Variants in PICK1 observed in about 807,000 individuals in gnomAD.
The protein encoded by PICK1 is PRKCA-binding protein.
PICK1 carries 23 observed loss-of-function variants against 48.9 expected under a neutral mutation model. The ratio of observed to expected loss-of-function variants is 0.47; its 90% CI spans 0.34 to 0.67. The LOEUF (loss-of-function observed/expected upper bound fraction) is 0.67, where lower values mean the gene tolerates loss of function less well. Ranked by LOEUF, PICK1 falls within the 30% of genes least tolerant of loss-of-function variation. The pLI, the probability that PICK1 is intolerant of heterozygous loss-of-function variation, is 0.01. For missense variants in PICK1, 423 were observed against 557.1 expected (o/e 0.76, Z 2.42); for synonymous variants, 217 against 228.2 (o/e 0.95, Z 0.44).
chr22:38,068,011 C>A (rs2085573612), intron 5 of PICK1: 2 of 630,782 alleles, frequency 3.2e-6, no homozygotes, highest in Admixed American at 2.1e-5. Flanking sequence ...CGTTTCACCC[C>A]TACCTCCCTG....
intron 4 of PICK1, among the ~76,000 whole-genome samples, chr22:38,067,309 T>C: frequency 7.2e-6 from 1 of 138,456 alleles, no homozygotes; most frequent in South Asian, 2.2e-4. Context: ...TTAGGATTCT[T>C]TTTTTTTTTT....
intron 3 of PICK1, 142 bp downstream of exon 3, chr22:38,059,487 G>A (rs770799488): frequency 8.8e-6 from 6 of 685,280 alleles, no homozygotes; most frequent in East Asian, 5.5e-5. Context: ...GACCACCTGC[G>A]CTGCGTTGCT....
intron 7 of PICK1, 49 bp downstream of exon 7, chr22:38,070,940 A>G: frequency 6.6e-7 from 1 of 1,507,966 alleles, no homozygotes; most frequent in Admixed American, 1.7e-5. Context: ...CCCAGGGAGC[A>G]TGCTCTCAGC....
chr22:38,071,580 T>C, intron 7 of PICK1, 102 bp from the exon 8 acceptor site: 1 of 1,032,522 alleles, frequency 9.7e-7, no homozygotes, highest in Admixed American at 1.7e-5. Flanking sequence ...TATCAGGGCC[T>C]AGCAGAGGCC....
At chr22:38,065,183 A>G in intron 4 of PICK1, 53 bp downstream of exon 4, 5 of 1,578,834 alleles carry the variant, frequency 3.2e-6, no homozygotes, top group Non-Finnish European at 4.3e-6. Flanking sequence ...TGTTTCTGAG[A>G]CCTCCAGGCT....
At chr22:38,071,982 C>T in intron 8 of PICK1, 1 of 581,840 alleles carries the variant, frequency 1.7e-6, no homozygotes, top group Non-Finnish European at 3.1e-6. Context: ...ACTGGCAGTA[C>T]ACAAGGCCCT....
rs1262552057 is a variant in PICK1 at position 38,073,693 on chromosome 22, G to T, written c.784-80G>T. 2 of 1,283,208 alleles carry T rather than the reference G, an allele frequency of 1.6e-6. No individual in the cohort carries two copies. Among genetic ancestry groups the T allele is most frequent in the Non-Finnish European group, 1.1e-6 (1 of 879,940 alleles). 79.5% of individuals were successfully genotyped at this position (1,283,208 alleles called of 1,614,324 possible). A position where few individuals can be genotyped will look rare whatever the true frequency, so the allele number is the denominator to read the frequency against. ...AACACCTGCGCCAGCCTCTCCTGCTGCGTGTGGGTGATGGGGGTGGAGCTG... is the reference window on the plus strand; with the variant it reads ...AACACCTGCGCCAGCCTCTCCTGCTTCGTGTGGGTGATGGGGGTGGAGCTG... On this transcript the variant is annotated intron_variant, in intron 10 of 12. Transcript: ENST00000356976. This position sits in a 1 kb window ranked among gnomAD's most constrained non-coding sequence, Gnocchi z 5.7.
At chr22:38,058,387 C>T (rs1277473630) in intron 2 of PICK1, among the ~76,000 whole-genome samples, 1 of 151,888 alleles carries the variant, frequency 6.6e-6, no homozygotes, top group Non-Finnish European at 1.5e-5. Context: ...CATAAAACAC[C>T]AGTCAATGCT....
chr22:38,070,813 TC>T, intron 6 of PICK1, 24 bp from the exon 7 acceptor site: 1 of 1,611,910 alleles, frequency 6.2e-7, no homozygotes, highest in East Asian at 2.2e-5. Context: ...CCCACTGACC[TC>T]CCCTCTTCTT....
In PICK1 at chr22:38,075,026, GGGAGGAGGAGGA is replaced by G; in HGVS notation, c.1152_1163del (p.Glu385_Glu388del). The stretch of plus-strand genomic sequence containing the variant: ...CTCAACCAGGAGGAGTTCACAGATG[GGGAGGAGGAGGA>G]GGAGGAGGAAGACACGGCAGCTGGG... On this transcript the variant is annotated inframe_deletion, in exon 13 of 13. Coordinates refer to ENST00000356976, the MANE Select transcript of PICK1 (RefSeq NM_012407.4). 6.2e-7 allele frequency: 1 copy of G among 1,612,882 alleles called. No homozygotes were observed. The highest frequency in any genetic ancestry group is 8.5e-7 in the Non-Finnish European group (1 of 1,179,744).
chr22:38,058,055 A>G, intron 2 of PICK1: 1 of 635,454 alleles, frequency 1.6e-6, no homozygotes, highest in Non-Finnish European at 2.9e-6. Context: ...CAGTGCCATA[A>G]GGGCACTATT....
chr22:38,057,541 T>C lies in PICK1; in HGVS notation c.-104T>C. ...GCCTGGAGACCCGTGGGGCGGACTC[T>C]GGGATCTGAGCCTATCGCCCTGGCC... On this transcript the variant is annotated 5_prime_UTR_variant, in exon 1 of 13. Coordinates refer to ENST00000356976, the MANE Select transcript of PICK1 (RefSeq NM_012407.4). 1.9e-6 allele frequency: 1 copy of C among 519,824 alleles called. No homozygotes were observed. The highest frequency in any genetic ancestry group is 3.5e-6 in the Non-Finnish European group (1 of 288,080). 32.2% of individuals were successfully genotyped at this position (519,824 alleles called of 1,614,324 possible). A position where few individuals can be genotyped will look rare whatever the true frequency, so the allele number is the denominator to read the frequency against.
chr22:38,059,405 G>C lies in PICK1; in HGVS notation c.153+60G>C, dbSNP rs577922169. The stretch of plus-strand genomic sequence containing the variant: ...TCCCTACTTGGGCATGACAAAGGCA[G>C]GTTCATTTCTCCACACTGCATAGCT... On this transcript the variant is annotated intron_variant, in intron 3 of 12. Transcript: ENST00000356976. 31 of 1,170,872 alleles carry C rather than the reference G, an allele frequency of 2.6e-5. No individual in the cohort carries two copies. In the African/African-American group the frequency reaches 4.7e-4, roughly 18 times the overall value. 72.5% of individuals were successfully genotyped at this position (1,170,872 alleles called of 1,614,324 possible).
chr22:38,059,345 G>A lies in PICK1; in HGVS notation c.153G>A (p.Gln51=), dbSNP rs1317545109. 1 of 1,548,370 alleles carries A rather than the reference G, an allele frequency of 6.5e-7. No homozygotes were observed. Among genetic ancestry groups the A allele is most frequent in the Non-Finnish European group, 8.8e-7 (1 of 1,142,458 alleles). The part of the protein sequence containing the change: ...AQYCPCLYIV[Q]VFDNTPAALD... ...ACTGTCCCTGCCTCTATATCGTCCA[G>A]GTATTGGGCGCTTTGGAGGGGGGCA... is the stretch of plus-strand genomic sequence containing the variant. Residue 51 remains glutamine, a splice_region_variant and synonymous_variant, in exon 3 of 13, where the codon CAG becomes CAA. Coordinates refer to ENST00000356976, the MANE Select transcript of PICK1 (RefSeq NM_012407.4).
At chr22:38,061,353 A>AATAATC (rs144404986) in intron 3 of PICK1, among the ~76,000 whole-genome samples, 6,546 of 151,022 alleles carry the variant, frequency 0.043, 444 homozygotes, top group African/African-American at 0.15. Flanking sequence ...AAATAATAAT[A>AATAATC]ATCATCATCA....
intron 8 of PICK1, 65 bp from the exon 9 acceptor site, chr22:38,072,412 A>G (rs1057121080): frequency 3.8e-6 from 6 of 1,590,142 alleles, no homozygotes; most frequent in East Asian, 4.5e-5. Context: ...CTTCTCCCCA[A>G]CAAACCCCTG....
Position 38,074,746 on chromosome 22 carries a change from G to A in PICK1, c.980-118G>A. The stretch of plus-strand genomic sequence containing the variant: ...TGCCAGGTCATGAGGGGTCAGGGAA[G>A]TGCCCGAGTGGGAAGCCCAGGGGAG... On this transcript the variant is annotated intron_variant, in intron 12 of 12. Transcript: ENST00000356976. The surrounding 1 kb of genome is among the most constrained non-coding windows in gnomAD (Gnocchi z 4.5). 7.4e-7 allele frequency: 1 copy of A among 1,353,098 alleles called. No individual in the cohort carries two copies. The highest frequency in any genetic ancestry group is 1.0e-6 in the Non-Finnish European group (1 of 979,804). 83.8% of individuals were successfully genotyped at this position (1,353,098 alleles called of 1,614,324 possible).
Position 38,074,752 on chromosome 22 carries a change from G to C in PICK1, c.980-112G>C. The C allele has an allele frequency of 7.1e-7, 1 of 1,405,384 alleles. No homozygotes were observed. The highest frequency in any genetic ancestry group is 2.3e-5 in the East Asian group (1 of 42,670). 87.1% of individuals were successfully genotyped at this position (1,405,384 alleles called of 1,614,324 possible). On this transcript the variant is annotated intron_variant, in intron 12 of 12. Transcript: ENST00000356976. The surrounding 1 kb of genome is among the most constrained non-coding windows in gnomAD (Gnocchi z 4.5). ...GTCATGAGGGGTCAGGGAAGTGCCC[G>C]AGTGGGAAGCCCAGGGGAGGCGAGA...
At position 38,059,243 on chromosome 22, in the gene PICK1, G is replaced by C; in HGVS notation, c.51G>C (p.Pro17=). ...YDIEEDKLGI[P]TVPGKVTLQK... is the part of the protein sequence containing the mutation. Reference sequence around the variant, plus strand: ...TTGCTTTCCTTTCTAGCGGAATCCCGACTGTGCCTGGGAAGGTGACCCTGC... The same window carrying C: ...TTGCTTTCCTTTCTAGCGGAATCCCCACTGTGCCTGGGAAGGTGACCCTGC... Residue 17 remains proline (P), a synonymous_variant, in exon 3 of 13, where the codon CCG becomes CCC. Coordinates refer to ENST00000356976, the MANE Select transcript of PICK1 (RefSeq NM_012407.4). 6.3e-7 allele frequency: 1 copy of C among 1,578,786 alleles called. No homozygotes were observed. Among genetic ancestry groups the C allele is most frequent in the Non-Finnish European group, 8.6e-7 (1 of 1,161,618 alleles).
Sources: gnomAD v4.1 joint callset for allele counts (sites outside exome capture counted in the v4.1 genomes callset) on GRCh38, gnomAD v4.1.1 for gene constraint, Gnocchi (gnomAD v3.1) non-coding constraint, MANE v1.5 for transcripts, NCBI Gene and HGNC (gene_info 2026-07-23, HGNC 2026-07-21) for gene names.